COL4A3: variants seen among roughly 807,000 people sequenced by gnomAD.
COL4A3 encodes the protein collagen alpha-3(IV) chain.
A neutral mutation model predicts 217.4 loss-of-function variants in COL4A3; 135 were observed. The ratio of observed to expected loss-of-function variants is 0.62; its 90% CI spans 0.54 to 0.72. The LOEUF is 0.72. Among genes scored for constraint, COL4A3 ranks in the 30% least tolerant of loss-of-function variants. The probability of loss-of-function intolerance (pLI) is 0.00; values close to 1 mark genes in which losing one functional copy is unlikely to be tolerated. For synonymous variants in COL4A3, 690 were observed against 736.3 expected (o/e 0.94, Z 1.02); for missense variants, 1,868 against 2,119.9 (o/e 0.88, Z 2.33).
Position 227,246,750 on chromosome 2 carries a change from T to A in COL4A3, c.441+12T>A, listed in dbSNP as rs748850089. 3.1e-6 allele frequency: 5 copies of A among 1,607,492 alleles called. No individual in the cohort carries two copies. The highest frequency in any genetic ancestry group is 4.3e-6 in the Non-Finnish European group (5 of 1,173,988). ...ACCCAGGGATCCCGGTAGGTTTGCATGCCTAATTCCCCAACAAAGACATAA... is the reference window on the plus strand; with the variant it reads ...ACCCAGGGATCCCGGTAGGTTTGCAAGCCTAATTCCCCAACAAAGACATAA... On this transcript the variant is annotated intron_variant, in intron 7 of 51. Coordinates refer to ENST00000396578, the MANE Select transcript of COL4A3 (RefSeq NM_000091.5).
chr2:227,310,693 T>C (rs2073706621), intron 50 of COL4A3, 83 bp from the exon 51 acceptor site: 4 of 1,146,192 alleles, frequency 3.5e-6, no homozygotes, highest in Admixed American at 3.7e-5. Flanking sequence ...CAGTTGCCCA[T>C]TCATTCAAAA....
intron 1 of COL4A3, among the ~76,000 whole-genome samples, chr2:227,200,851 T>C (rs1422827292): frequency 6.6e-6 from 1 of 152,234 alleles, no homozygotes; most frequent in Non-Finnish European, 1.5e-5. Context: ...ACATGTTCAA[T>C]TACAATGAAA....
chr2:227,265,660 A>G (rs1278906146), intron 21 of COL4A3, among the ~76,000 whole-genome samples: 1 of 152,210 alleles, frequency 6.6e-6, no homozygotes, highest in African/African-American at 2.4e-5. Flanking sequence ...CTTTTACTCA[A>G]TATATATTAA....
intron 51 of COL4A3, 38 bp from the exon 52 acceptor site, chr2:227,311,748 A>G: frequency 2.5e-6 from 4 of 1,597,028 alleles, no homozygotes; most frequent in Non-Finnish European, 3.4e-6. Context: ...CCTTTTATGC[A>G]TAAATAAATG....
chr2:227,252,586 GCACACACACACACACACA>G (rs59472907), intron 11 of COL4A3, among the ~76,000 whole-genome samples: 5 of 146,280 alleles, frequency 3.4e-5, no homozygotes, highest in Non-Finnish European at 6.0e-5. Flanking sequence ...ACACACAAAT[GCACACACACACACACACA>G]CACACACACA....
At chr2:227,298,063 C>G (rs1403777346) in intron 42 of COL4A3, among the ~76,000 whole-genome samples, 1 of 152,144 alleles carries the variant, frequency 6.6e-6, no homozygotes, top group South Asian at 2.1e-4. Flanking sequence ...AATTAACGAG[C>G]CTGGCTGGAC....
chr2:227,186,162 A>G (rs2066025622), intron 1 of COL4A3, among the ~76,000 whole-genome samples: 1 of 152,132 alleles, frequency 6.6e-6, no homozygotes, highest in Non-Finnish European at 1.5e-5. Context: ...AGAACGGGAG[A>G]TTATTTGATT....
Position 227,281,011 on chromosome 2 carries a change from G to A in COL4A3, c.2488+5G>A. On this transcript the variant is annotated splice_donor_5th_base_variant and intron_variant, in intron 31 of 51. Coordinates refer to ENST00000396578, the MANE Select transcript of COL4A3 (RefSeq NM_000091.5). ...ATGGATTGAAAGGGCAACAAGGTAG[G>A]AGGAGGGCCTCAAAACTGGCCACCA... 6.5e-7 allele frequency: 1 copy of A among 1,547,454 alleles called. No individual in the cohort carries two copies. Among genetic ancestry groups the A allele is most frequent in the Non-Finnish European group, 8.8e-7 (1 of 1,141,786 alleles).
At chr2:227,220,982 A>G (rs1485819207) in intron 1 of COL4A3, 1 of 152,186 alleles carries the variant, frequency 6.6e-6, no homozygotes, top group African/African-American at 2.4e-5. Flanking sequence ...TTTTATCTTC[A>G]TGTTATCAGA....
At chr2:227,221,344 A>G (rs972438986) in intron 1 of COL4A3, 7 of 151,444 alleles carry the variant, frequency 4.6e-5, no homozygotes, top group African/African-American at 7.3e-5. Context: ...TCCTTTATCC[A>G]TTGCTTTGTC....
At position 227,218,382 on chromosome 2, in the gene COL4A3, C is replaced by T. The variant is rs971969917; in HGVS notation, c.88-19586C>T. 5.9e-5 allele frequency among the ~76,000 whole-genome samples: 9 copies of T among 152,072 alleles called. No individual in the cohort carries two copies. The East Asian group carries it at 1.2e-3, about 20-fold the overall frequency. On this transcript the variant is annotated intron_variant, in intron 1 of 51. Coordinates refer to ENST00000396578, the MANE Select transcript of COL4A3 (RefSeq NM_000091.5). ...TCGGGTGGCTGAGGCAGGAGAATGG[C>T]GTGAACCCGGGAGGAGGAGCTTGCA...
At chr2:227,258,070 C>T in intron 18 of COL4A3, among the ~76,000 whole-genome samples, 1 of 152,216 alleles carries the variant, frequency 6.6e-6, no homozygotes, top group East Asian at 1.9e-4. Flanking sequence ...GCAGGCAGTG[C>T]TCCCCTTCCC....
chr2:227,179,526 C>T (rs1024049324), intron 1 of COL4A3, among the ~76,000 whole-genome samples: 2 of 152,158 alleles, frequency 1.3e-5, no homozygotes, highest in Non-Finnish European at 2.9e-5. Context: ...CTTTGTGGTT[C>T]GAGCTCTTAA....
At chr2:227,311,039 T>G in intron 51 of COL4A3, 91 bp downstream of exon 51, 1 of 1,376,254 alleles carries the variant, frequency 7.3e-7, no homozygotes, top group South Asian at 1.2e-5. Context: ...GTAGCCATGA[T>G]TTTGTACTAC....
Position 227,203,480 on chromosome 2 carries a change from CAT to C in COL4A3, c.88-34485_88-34484del, listed in dbSNP as rs72210864. On this transcript the variant is annotated intron_variant, in intron 1 of 51. Coordinates refer to ENST00000396578, the MANE Select transcript of COL4A3 (RefSeq NM_000091.5). ...ATATATGTGTGTATATATGTGTATA[CAT>C]ATGTGTGTATATGTGTATATATACA... 3.9e-4 allele frequency among the ~76,000 whole-genome samples: 8 copies of C among 20,774 alleles called. 4 individuals are homozygous for C. The South Asian group carries it at 0.012, about 31-fold the overall frequency. 13.6% of individuals were successfully genotyped at this position (20,774 alleles called of 152,430 possible). A position where few individuals can be genotyped will look rare whatever the true frequency, so the allele number is the denominator to read the frequency against.
At chr2:227,252,090 A>AAC (rs2069784864) in intron 11 of COL4A3, among the ~76,000 whole-genome samples, 1 of 150,718 alleles carries the variant, frequency 6.6e-6, no homozygotes, top group Non-Finnish European at 1.5e-5. Flanking sequence ...AAAAAAAAAA[A>AAC]ACAGAAGTGC....
At chr2:227,280,711 C>T (rs2106153008) in intron 30 of COL4A3, 121 bp downstream of exon 30, 1 of 1,262,730 alleles carries the variant, frequency 7.9e-7, no homozygotes, top group South Asian at 1.2e-5. Flanking sequence ...CCCTACCTTT[C>T]TTCCTTCTTT....
chr2:227,190,710 C>A (rs752444998), intron 1 of COL4A3, among the ~76,000 whole-genome samples: 10 of 152,162 alleles, frequency 6.6e-5, no homozygotes, highest in Non-Finnish European at 1.2e-4. Flanking sequence ...AGTTTGAGAG[C>A]AGCCTGGCCA....
At chr2:227,291,976 G>A (rs2072771173) in intron 37 of COL4A3, among the ~76,000 whole-genome samples, 1 of 152,154 alleles carries the variant, frequency 6.6e-6, no homozygotes, top group Admixed American at 6.5e-5. Flanking sequence ...TTGCTAACGT[G>A]GGATTCCATG....
Sources: gnomAD v4.1 joint callset for allele counts (sites outside exome capture counted in the v4.1 genomes callset) on GRCh38, gnomAD v4.1.1 for gene constraint, MANE v1.5 for transcripts, NCBI Gene and HGNC (gene_info 2026-07-23, HGNC 2026-07-21) for gene names.